KCNK12: variants seen among roughly 807,000 people sequenced by gnomAD.
KCNK12 encodes potassium channel subfamily K member 12.
KCNK12 carries 6 observed loss-of-function variants against 25.3 expected under a neutral mutation model. The ratio of observed to expected loss-of-function variants is 0.24; its 90% CI spans 0.13 to 0.47. The LOEUF (loss-of-function observed/expected upper bound fraction) is 0.47, where lower values mean the gene tolerates loss of function less well. Ranked by LOEUF, KCNK12 falls within the 20% of genes least tolerant of loss-of-function variation. The pLI is 0.99. For synonymous variants in KCNK12, 331 were observed against 311.1 expected (o/e 1.06, Z -0.67); for missense variants, 444 against 661.7 (o/e 0.67, Z 3.61).
At chr2:47,523,217 G>A (rs1429279126) in intron 1 of KCNK12, among the ~76,000 whole-genome samples, 3 of 152,344 alleles carry the variant, frequency 2.0e-5, no homozygotes, top group African/African-American at 7.2e-5. Flanking sequence ...CAGGTAGAGT[G>A]TAACCAGGTA....
chr2:47,509,635 T>A lies in KCNK12; in HGVS notation c.*11272A>T, dbSNP rs1668352419. ...GTCACGATTCTGTCACCCAGTCAGG[T>A]CATCAGTGTCAGAGAGCTAGGTGGC... On this transcript the variant is annotated 3_prime_UTR_variant, in exon 2 of 2. Transcript: ENST00000327876. 6.6e-6 allele frequency among the ~76,000 whole-genome samples: 1 copy of A among 152,216 alleles called. No homozygotes were observed. Among genetic ancestry groups the A allele is most frequent in the African/African-American group, 2.4e-5 (1 of 41,450 alleles).
At chr2:47,522,894 A>AT (rs994530842) in intron 1 of KCNK12, among the ~76,000 whole-genome samples, 3 of 151,814 alleles carry the variant, frequency 2.0e-5, no homozygotes, top group African/African-American at 4.8e-5. Flanking sequence ...TATGTGCCCA[A>AT]TTTTTTTTCC....
chr2:47,555,883 A>C lies in KCNK12; in HGVS notation c.391+14058T>G, dbSNP rs967420820. On this transcript the variant is annotated intron_variant, in intron 1 of 1. Transcript: ENST00000327876. The surrounding 1 kb of genome is among the most constrained non-coding windows in gnomAD (Gnocchi z 4.5). ...GGACAGCATGATGTTCTGGAAGCCA[A>C]GAGAAAAGAGGAGTTTGAGGATAAA... is the stretch of plus-strand genomic sequence containing the variant. The C allele has an allele frequency of 3.9e-5, 6 of 152,282 alleles. No homozygotes were observed. The highest frequency in any genetic ancestry group is 1.4e-4 in the African/African-American group (6 of 41,460). The allele number at this position is 152,282 out of a possible 1,614,324, so 9.4% of individuals were successfully genotyped here. A position where few individuals can be genotyped will look rare whatever the true frequency, so the allele number is the denominator to read the frequency against.
Position 47,520,627 on chromosome 2 carries a change from CCCTGGGTGTGGG to C in KCNK12, c.*268_*279del, listed in dbSNP as rs1668630348. On this transcript the variant is annotated 3_prime_UTR_variant, in exon 2 of 2. Transcript: ENST00000327876. This position sits in a 1 kb window ranked among gnomAD's most constrained non-coding sequence, Gnocchi z 5.0. ...GCAAAACCCTCCTCGCTGCGGTATG[CCCTGGGTGTGGG>C]CCTGGGGGGCCACGTTTTCTCTCCC... The C allele has an allele frequency of 3.0e-6, 1 of 333,870 alleles. No homozygotes were observed. The highest frequency in any genetic ancestry group is 2.1e-5 in the African/African-American group (1 of 47,180). The allele number at this position is 333,870 out of a possible 1,614,324, so 20.7% of individuals were successfully genotyped here.
intron 1 of KCNK12, among the ~76,000 whole-genome samples, chr2:47,526,143 C>T (rs1027801566): frequency 6.6e-6 from 1 of 151,932 alleles, no homozygotes; most frequent in Non-Finnish European, 1.5e-5. Context: ...GCCTGTAATC[C>T]CAGCACTTTG....
At chr2:47,539,649 CCTA>C (rs1259677705) in intron 1 of KCNK12, among the ~76,000 whole-genome samples, 3 of 152,134 alleles carry the variant, frequency 2.0e-5, no homozygotes, top group African/African-American at 7.2e-5. Flanking sequence ...ACCTAACAGT[CCTA>C]CTGGGATTTG....
chr2:47,544,816 A>G (rs188808390), intron 1 of KCNK12, among the ~76,000 whole-genome samples: 2 of 152,320 alleles, frequency 1.3e-5, no homozygotes, highest in African/African-American at 4.8e-5. Flanking sequence ...GAGGAATACT[A>G]TGCATCCAAC....
intron 1 of KCNK12, among the ~76,000 whole-genome samples, chr2:47,544,911 A>G (rs937642734): frequency 1.3e-5 from 2 of 152,212 alleles, no homozygotes; most frequent in Non-Finnish European, 2.9e-5. Context: ...AAATAGACTC[A>G]AGGACAAAAA....
At position 47,569,874 on chromosome 2, in the gene KCNK12, G is replaced by A. The variant is rs1669853106; in HGVS notation, c.391+67C>T. The A allele has an allele frequency of 1.6e-6, 2 of 1,235,764 alleles. No homozygotes were observed. Among genetic ancestry groups the A allele is most frequent in the Non-Finnish European group, 2.1e-6 (2 of 964,836 alleles). 76.5% of individuals were successfully genotyped at this position (1,235,764 alleles called of 1,614,324 possible). A position where few individuals can be genotyped will look rare whatever the true frequency, so the allele number is the denominator to read the frequency against. ...GCCGAGGGACGCGGACCGAGCGGCC[G>A]AGCAGTGGAAAGGGCGGCAGGTGAA... On this transcript the variant is annotated intron_variant, in intron 1 of 1. Transcript: ENST00000327876. The surrounding 1 kb of genome is among the most constrained non-coding windows in gnomAD (Gnocchi z 4.1).
chr2:47,540,616 G>A lies in KCNK12; in HGVS notation c.392-18808C>T, dbSNP rs1669175520. On this transcript the variant is annotated intron_variant, in intron 1 of 1. Coordinates refer to ENST00000327876, the MANE Select transcript of KCNK12 (RefSeq NM_022055.2). The surrounding 1 kb of genome is among the most constrained non-coding windows in gnomAD (Gnocchi z 5.4). ...GCAAAACCAAAGAAAAGCCATCACT[G>A]CCGATGTCTCTCTTTAAAGATCTGT... is the stretch of plus-strand genomic sequence containing the variant. Among the ~76,000 whole-genome samples, 1 of 152,176 alleles carries A rather than the reference G, an allele frequency of 6.6e-6. No individual in the cohort carries two copies. Among genetic ancestry groups the A allele is most frequent in the Non-Finnish European group, 1.5e-5 (1 of 68,042 alleles).
chr2:47,530,264 C>T (rs1336036862), intron 1 of KCNK12, among the ~76,000 whole-genome samples: 1 of 152,124 alleles, frequency 6.6e-6, no homozygotes, highest in Non-Finnish European at 1.5e-5. Context: ...ACTGCGACAT[C>T]GCCTCTCTGG....
intron 1 of KCNK12, among the ~76,000 whole-genome samples, chr2:47,549,028 G>A (rs760657339): frequency 1.3e-5 from 2 of 152,192 alleles, no homozygotes; most frequent in African/African-American, 2.4e-5. Context: ...AACAATCTGT[G>A]CAGGTACAGG....
In KCNK12 at chr2:47,540,663, T is replaced by C. The variant is rs937550272; in HGVS notation, c.392-18855A>G. On this transcript the variant is annotated intron_variant, in intron 1 of 1. Transcript: ENST00000327876. The surrounding 1 kb of genome is among the most constrained non-coding windows in gnomAD (Gnocchi z 5.4). The stretch of plus-strand genomic sequence containing the variant: ...CTGTTAGGCTAGGCACGGTGGCTTA[T>C]GCCTGTCATGCCAGCACTTTGGGAG... Among the ~76,000 whole-genome samples, 4 of 152,216 alleles carry C rather than the reference T, an allele frequency of 2.6e-5. No homozygotes were observed. The highest frequency in any genetic ancestry group is 9.6e-5 in the African/African-American group (4 of 41,466).
chr2:47,512,866 C>T lies in KCNK12; in HGVS notation c.*8041G>A, dbSNP rs1668437992. 1 of 160,796 alleles carries T rather than the reference C, an allele frequency of 6.2e-6. No homozygotes were observed. The highest frequency in any genetic ancestry group is 1.4e-5 in the Non-Finnish European group (1 of 72,792). 10.0% of individuals were successfully genotyped at this position (160,796 alleles called of 1,614,324 possible). ...CTATCAACAGGTAGCTATCATACTA[C>T]CCTCATTGTCACCCCTCAGAGGTCC... On this transcript the variant is annotated 3_prime_UTR_variant, in exon 2 of 2. Transcript: ENST00000327876.
chr2:47,520,887 G>C lies in KCNK12; in HGVS notation c.*20C>G, dbSNP rs746427702. On this transcript the variant is annotated 3_prime_UTR_variant, in exon 2 of 2. Transcript: ENST00000327876. This position sits in a 1 kb window ranked among gnomAD's most constrained non-coding sequence, Gnocchi z 5.0. ...GCCCCGCGGCCTGGAGAGGGTCCCC[G>C]GCGCGGGCGGACGGGCGGTCTACCT... 1.0e-5 allele frequency: 13 copies of C among 1,240,680 alleles called. No individual in the cohort carries two copies. The highest frequency in any genetic ancestry group is 3.2e-5 in the East Asian group (1 of 31,734). 76.9% of individuals were successfully genotyped at this position (1,240,680 alleles called of 1,614,324 possible).
intron 1 of KCNK12, among the ~76,000 whole-genome samples, chr2:47,523,893 G>T (rs1026523906): frequency 2.6e-5 from 4 of 152,230 alleles, no homozygotes; most frequent in African/African-American, 7.2e-5. Flanking sequence ...CTGGGAAAGT[G>T]GAGAAGAGTT....
intron 1 of KCNK12, among the ~76,000 whole-genome samples, chr2:47,553,614 C>T (rs1669486754): frequency 6.6e-6 from 1 of 152,190 alleles, no homozygotes; most frequent in Admixed American, 6.5e-5. Flanking sequence ...CCTGACTTAA[C>T]GGCATAACTA....
rs1212713699 is a variant in KCNK12, at chr2:47,556,494, G to A, written c.391+13447C>T. Among the ~76,000 whole-genome samples, 1 of 152,280 alleles carries A rather than the reference G, an allele frequency of 6.6e-6. No individual in the cohort carries two copies. Among genetic ancestry groups the A allele is most frequent in the Non-Finnish European group, 1.5e-5 (1 of 68,020 alleles). ...CACAGTAGGAAGTACAGTGGGATGT[G>A]GGGGGTGCTGCCAGTGTGGAGTGTC... On this transcript the variant is annotated intron_variant, in intron 1 of 1. Coordinates refer to ENST00000327876, the MANE Select transcript of KCNK12 (RefSeq NM_022055.2). The surrounding 1 kb of genome is among the most constrained non-coding windows in gnomAD (Gnocchi z 4.8).
chr2:47,535,366 CA>C (rs1414223545), intron 1 of KCNK12, among the ~76,000 whole-genome samples: 1 of 152,158 alleles, frequency 6.6e-6, no homozygotes, highest in Non-Finnish European at 1.5e-5. Context: ...TCATCCAGCC[CA>C]AAATGTCAAA....
Sources: gnomAD v4.1 joint callset for allele counts (sites outside exome capture counted in the v4.1 genomes callset) on GRCh38, gnomAD v4.1.1 for gene constraint, Gnocchi (gnomAD v3.1) non-coding constraint, MANE v1.5 for transcripts, NCBI Gene and HGNC (gene_info 2026-07-23, HGNC 2026-07-21) for gene names.